GRM7: variants seen among roughly 807,000 people sequenced by gnomAD.
GRM7 encodes the protein metabotropic glutamate receptor 7.
Under a neutral mutation model 84.5 loss-of-function variants are expected in GRM7, and 35 were observed. The observed-to-expected ratio is 0.41, with a 90% CI of 0.32 to 0.55. The LOEUF (loss-of-function observed/expected upper bound fraction) is 0.55. Among genes scored for constraint, GRM7 ranks in the 20% least tolerant of loss-of-function variants. The pLI is 0.19. For missense variants in GRM7, 1,003 were observed against 1,194.6 expected (o/e 0.84, Z 2.36); for synonymous variants, 487 against 455.1 (o/e 1.07, Z -0.89).
intron 8 of GRM7, among the ~76,000 whole-genome samples, chr3:7,604,863 T>A (rs1696487433): frequency 6.6e-6 from 1 of 152,192 alleles, no homozygotes; most frequent in South Asian, 2.1e-4. Context: ...ATGTCTCATT[T>A]CAGTTTACAA....
intron 3 of GRM7, among the ~76,000 whole-genome samples, chr3:7,300,276 G>C (rs1052893277): frequency 1.3e-4 from 20 of 152,152 alleles, no homozygotes; most frequent in Admixed American, 3.9e-4. Context: ...TTTACCACCA[G>C]CGTCTCAAAC....
At chr3:7,183,812 G>A (rs1695424990) in intron 2 of GRM7, among the ~76,000 whole-genome samples, 1 of 151,802 alleles carries the variant, frequency 6.6e-6, no homozygotes, top group South Asian at 2.1e-4. Context: ...CCAGATACAT[G>A]CACACACACA....
intron 8 of GRM7, among the ~76,000 whole-genome samples, chr3:7,622,232 C>G (rs1426761171): frequency 1.3e-5 from 2 of 152,092 alleles, no homozygotes; most frequent in Admixed American, 6.6e-5. Context: ...TTGCATTAAG[C>G]ACCCACTCTT....
At chr3:6,950,531 C>G (rs973404713) in intron 1 of GRM7, among the ~76,000 whole-genome samples, 4 of 152,210 alleles carry the variant, frequency 2.6e-5, no homozygotes, top group Non-Finnish European at 5.9e-5. Context: ...CCAGTCTGCC[C>G]GTTCTCAGAT....
At chr3:7,372,452 T>C (rs1262404199) in intron 4 of GRM7, among the ~76,000 whole-genome samples, 1 of 152,126 alleles carries the variant, frequency 6.6e-6, no homozygotes, top group Non-Finnish European at 1.5e-5. Flanking sequence ...ACCAGAATTG[T>C]AGAGGGCAGT....
chr3:7,104,435 G>GAC (rs1462522302), intron 1 of GRM7, among the ~76,000 whole-genome samples: 1 of 151,490 alleles, frequency 6.6e-6, no homozygotes, highest in Non-Finnish European at 1.5e-5. Context: ...AAGTGACTAA[G>GAC]ACACTCCACT....
intron 1 of GRM7, among the ~76,000 whole-genome samples, chr3:6,985,613 A>G (rs1694379485): frequency 1.3e-5 from 2 of 152,216 alleles, no homozygotes; most frequent in African/African-American, 4.8e-5. Context: ...AAAATAGCCC[A>G]ACGTCACATG....
At chr3:6,927,014 C>T (rs1414556180) in intron 1 of GRM7, among the ~76,000 whole-genome samples, 3 of 152,192 alleles carry the variant, frequency 2.0e-5, no homozygotes, top group African/African-American at 7.2e-5. Context: ...GCATCTTTCA[C>T]TCGCACTGTG....
intron 1 of GRM7, among the ~76,000 whole-genome samples, chr3:6,905,057 T>G (rs1363706905): frequency 6.6e-6 from 1 of 152,136 alleles, no homozygotes; most frequent in Non-Finnish European, 1.5e-5. Context: ...AAGTTCTCCG[T>G]CTTGGTTTTG....
intron 1 of GRM7, among the ~76,000 whole-genome samples, chr3:6,920,592 A>G (rs1378149698): frequency 6.6e-6 from 1 of 151,732 alleles, no homozygotes; most frequent in African/African-American, 2.4e-5. Flanking sequence ...GACTTTTCCC[A>G]CAAATATTGG....
intron 4 of GRM7, among the ~76,000 whole-genome samples, chr3:7,393,705 C>T (rs1228169081): frequency 6.6e-6 from 1 of 152,204 alleles, no homozygotes; most frequent in African/African-American, 2.4e-5. Context: ...TATGTATGCA[C>T]ACAATTGCTC....
intron 1 of GRM7, among the ~76,000 whole-genome samples, chr3:6,907,498 C>A (rs1696624030): frequency 6.6e-6 from 1 of 152,148 alleles, no homozygotes; most frequent in East Asian, 1.9e-4. Flanking sequence ...ATAGTTAAAA[C>A]TAAAGAAAAA....
At chr3:6,951,087 C>T (rs187075573) in intron 1 of GRM7, among the ~76,000 whole-genome samples, 1 of 152,162 alleles carries the variant, frequency 6.6e-6, no homozygotes, top group East Asian at 1.9e-4. Context: ...GAGATGAACC[C>T]AGTACCTCAG....
intron 1 of GRM7, among the ~76,000 whole-genome samples, chr3:7,053,497 T>G (rs546561784): frequency 6.6e-6 from 1 of 151,860 alleles, no homozygotes; most frequent in Non-Finnish European, 1.5e-5. Flanking sequence ...CTCTAGAAAT[T>G]TTATAGTCTT....
chr3:7,173,540 G>T (rs1695052078), intron 2 of GRM7, among the ~76,000 whole-genome samples: 1 of 152,156 alleles, frequency 6.6e-6, no homozygotes, highest in Non-Finnish European at 1.5e-5. Context: ...TAAGTAACTT[G>T]GCCCTGCTTG....
At chr3:7,416,197 C>A (rs1696151535) in intron 5 of GRM7, among the ~76,000 whole-genome samples, 1 of 152,000 alleles carries the variant, frequency 6.6e-6, no homozygotes, top group South Asian at 2.1e-4. Context: ...TGGTCCAGAA[C>A]TAAGTCATTT....
intron 1 of GRM7, among the ~76,000 whole-genome samples, chr3:7,088,324 A>G (rs952968307): frequency 1.3e-5 from 2 of 152,102 alleles, no homozygotes; most frequent in African/African-American, 4.8e-5. Context: ...GGGGCAATGA[A>G]CTCAAATATG....
At chr3:7,588,197 C>T (rs1423632805) in intron 8 of GRM7, among the ~76,000 whole-genome samples, 1 of 152,206 alleles carries the variant, frequency 6.6e-6, no homozygotes, top group Non-Finnish European at 1.5e-5. Context: ...TACCACAACA[C>T]TAGTTTCTTC....
intron 7 of GRM7, among the ~76,000 whole-genome samples, chr3:7,575,414 A>G (rs970003747): frequency 6.6e-6 from 1 of 152,108 alleles, no homozygotes; most frequent in South Asian, 2.1e-4. Flanking sequence ...CTTGAAATTT[A>G]CATTCCTGTT....
Sources: allele counts gnomAD v4.1 joint callset (sites outside exome capture counted in the v4.1 genomes callset), GRCh38; gene constraint gnomAD v4.1.1; transcripts MANE v1.5; gene names NCBI Gene and HGNC (gene_info 2026-07-23, HGNC 2026-07-21).